The following ZIC4 variants were observed in gnomAD, a reference collection of about 807,000 sequenced individuals.
ZIC4 encodes the protein zinc finger protein ZIC 4.
In ZIC4, 15 loss-of-function variants were observed where a neutral mutation model predicts 28.8. That is an observed-to-expected ratio of 0.52 (90% CI 0.35 to 0.80). The LOEUF (loss-of-function observed/expected upper bound fraction) is 0.80, where lower values mean the gene tolerates loss of function less well. Ranked by LOEUF, ZIC4 falls within the 30% of genes least tolerant of loss-of-function variation. The pLI, the probability that ZIC4 is intolerant of heterozygous loss-of-function variation, is 0.01. For missense variants in ZIC4, 512 were observed against 467.1 expected (o/e 1.10, Z -0.89); for synonymous variants, 220 against 198.1 (o/e 1.11, Z -0.93).
In ZIC4 at chr3:147,391,193, T is replaced by C. The variant is rs2086910479; in HGVS notation, c.742A>G (p.Ser248Gly). ...FEGCERRFAN[S>G]SDRKKHSHVH... ...TGCGAATGCTTCTTACGGTCGCTGC[T>C]GTTGGCGAAGCGCCGCTCGCAGCCC... is the stretch of plus-strand genomic sequence containing the variant. Residue 248 changes from serine (S) to glycine (G), a missense_variant, in exon 4 of 5, where the codon AGC (serine) becomes GGC (glycine). Ser to Gly is a moderately conservative substitution (Grantham distance 56, BLOSUM62 0). Coordinates refer to ENST00000383075, the MANE Select transcript of ZIC4 (RefSeq NM_032153.6). 1 of 1,607,918 alleles carries C rather than the reference T, an allele frequency of 6.2e-7. No homozygotes were observed. Among genetic ancestry groups the C allele is most frequent in the Admixed American group, 1.7e-5 (1 of 59,830 alleles).
intron 3 of ZIC4, chr3:147,393,594 G>T (rs886305345): frequency 7.1e-6 from 2 of 281,626 alleles, no homozygotes; most frequent in African/African-American, 4.6e-5. Context: ...CCCTGAGCCG[G>T]GTCCGCCGAA....
chr3:147,394,589 T>G (rs763335162), intron 3 of ZIC4, among the ~76,000 whole-genome samples: 5 of 151,996 alleles, frequency 3.3e-5, no homozygotes, highest in Non-Finnish European at 7.4e-5. Flanking sequence ...GGGCCAGGAT[T>G]CCAGTGTGAC....
chr3:147,389,612 T>C (rs556447875), intron 4 of ZIC4, among the ~76,000 whole-genome samples: 78 of 152,276 alleles, frequency 5.1e-4, no homozygotes, highest in Non-Finnish European at 1.0e-3. Context: ...CTGATTTTTT[T>C]CCCTTTGGCC....
intron 4 of ZIC4, among the ~76,000 whole-genome samples, chr3:147,390,631 A>T (rs1316764053): frequency 6.6e-6 from 1 of 152,084 alleles, no homozygotes; most frequent in Non-Finnish European, 1.5e-5. Context: ...GCTGATTGTG[A>T]CTACAGAATA....
At chr3:147,393,967 G>C (rs1173487537) in intron 3 of ZIC4, 1 of 456,664 alleles carries the variant, frequency 2.2e-6, no homozygotes, top group Non-Finnish European at 4.4e-6. Context: ...CAGCTCCTGA[G>C]AAATTTGCTC....
rs2087046932 is a variant in ZIC4, at chr3:147,396,451, T to C, written c.89A>G (p.His30Arg). The C allele has an allele frequency of 4.0e-6, 6 of 1,518,852 alleles. No individual in the cohort carries two copies. Among genetic ancestry groups the C allele is most frequent in the Non-Finnish European group, 4.4e-6 (5 of 1,137,534 alleles). 94.1% of individuals were successfully genotyped at this position (1,518,852 alleles called of 1,614,324 possible). The change falls in exon 3 of 5, where the codon CAT becomes CGT. Residue 30 changes from histidine (H) to arginine (R), a missense_variant. His to Arg is a conservative substitution (Grantham distance 29, BLOSUM62 0). This residue lies in a region of ZIC4 where 310 missense variants were observed against 256.5 expected (regional missense o/e 1.21). Coordinates refer to ENST00000383075, the MANE Select transcript of ZIC4 (RefSeq NM_032153.6). The surrounding 1 kb of genome is among the most constrained non-coding windows in gnomAD (Gnocchi z 4.2). ...GGAGGCGGCGGTGAGCTGGGGGCCATGGTGTCCAGAGCTGCTACCTGTTGT... is the reference window on the plus strand; with the variant it reads ...GGAGGCGGCGGTGAGCTGGGGGCCACGGTGTCCAGAGCTGCTACCTGTTGT... The part of the protein sequence containing the change: ...LKESSSSSGH[H>R]GPQLTAASSP...
At chr3:147,401,805 G>C (rs116726134) in intron 2 of ZIC4, among the ~76,000 whole-genome samples, 378 of 152,288 alleles carry the variant, frequency 2.5e-3, no homozygotes, top group Non-Finnish European at 4.3e-3. Flanking sequence ...AAATATACTT[G>C]GATATGCTTT....
At position 147,396,557 on chromosome 3, in the gene ZIC4, C is replaced by T. The variant is rs570596562; in HGVS notation, c.71-88G>A. On this transcript the variant is annotated intron_variant, in intron 2 of 4. Coordinates refer to ENST00000383075, the MANE Select transcript of ZIC4 (RefSeq NM_032153.6). This position sits in a 1 kb window ranked among gnomAD's most constrained non-coding sequence, Gnocchi z 4.2. Reference sequence around the variant, plus strand: ...GCCCCGGGGGGCAGGCCCAGCCCTGCCGCACTACGGCCTCTGCAGTCAGCC... The same window carrying T: ...GCCCCGGGGGGCAGGCCCAGCCCTGTCGCACTACGGCCTCTGCAGTCAGCC... 1.0e-4 allele frequency: 143 copies of T among 1,435,614 alleles called. No homozygotes were observed. The African/African-American group carries it at 1.8e-3, about 18-fold the overall frequency. The allele number at this position is 1,435,614 out of a possible 1,614,324, so 88.9% of individuals were successfully genotyped here.
intron 2 of ZIC4, among the ~76,000 whole-genome samples, chr3:147,402,436 G>T (rs1328483481): frequency 6.6e-6 from 1 of 152,184 alleles, no homozygotes. Flanking sequence ...CAGAAGGTCA[G>T]GGGTGGTTGT....
intron 2 of ZIC4, among the ~76,000 whole-genome samples, chr3:147,402,239 C>T (rs989892246): frequency 9.2e-5 from 14 of 152,212 alleles, no homozygotes; most frequent in Admixed American, 6.5e-4. Context: ...GTGGGAACCT[C>T]GTCACTACCA....
At chr3:147,405,369 T>G (rs775596640) in intron 1 of ZIC4, 146 of 1,535,066 alleles carry the variant, frequency 9.5e-5, no homozygotes, top group Non-Finnish European at 1.2e-4. Flanking sequence ...GGGGAAAACA[T>G]GACCTTGGAA....
rs746102027 is a variant in ZIC4 at position 147,388,855 on chromosome 3, G to A, written c.*4C>T. ...AGATTACCTTGCGAGCAACGCGGTG[G>A]ACATCTGTAACAAGCAAATGAAAAA... On this transcript the variant is annotated 3_prime_UTR_variant, in exon 5 of 5. Coordinates refer to ENST00000383075, the MANE Select transcript of ZIC4 (RefSeq NM_032153.6). The A allele has an allele frequency of 1.3e-6, 1 of 780,256 alleles. No homozygotes were observed. Among genetic ancestry groups the A allele is most frequent in the Admixed American group, 1.7e-5 (1 of 58,784 alleles). 48.3% of individuals were successfully genotyped at this position (780,256 alleles called of 1,614,324 possible).
chr3:147,390,957 C>T lies in ZIC4; in HGVS notation c.978G>A (p.Ala326=), dbSNP rs765073929. Residue 326 remains alanine (A), a synonymous_variant, in exon 4 of 5, where the codon GCG becomes GCA. Coordinates refer to ENST00000383075, the MANE Select transcript of ZIC4 (RefSeq NM_032153.6). ...ATTCGCTCAAGTCGGCGGTACGCGC[C>T]GCCACCGCCGCCGAGGAGGCCACCT... is the stretch of plus-strand genomic sequence containing the variant. ...KSQVASSAAV[A]ARTADLSE 6.2e-7 allele frequency: 1 copy of T among 1,611,288 alleles called. No individual in the cohort carries two copies. Among genetic ancestry groups the T allele is most frequent in the Non-Finnish European group, 8.5e-7 (1 of 1,178,974 alleles).
chr3:147,402,226 A>G (rs927914948), intron 2 of ZIC4, among the ~76,000 whole-genome samples: 3 of 152,212 alleles, frequency 2.0e-5, no homozygotes, highest in African/African-American at 7.2e-5. Context: ...CAGACACCAC[A>G]TTGTGGGAAC....
Position 147,397,473 on chromosome 3 carries a change from A to C in ZIC4, c.71-1004T>G, listed in dbSNP as rs549969420. On this transcript the variant is annotated intron_variant, in intron 2 of 4. Coordinates refer to ENST00000383075, the MANE Select transcript of ZIC4 (RefSeq NM_032153.6). ...GCTCATGCGCTCTGACCCGGGCACAAATCCTTTTCTCTCCCCTTGAGCCTC... is the reference window on the plus strand; with the variant it reads ...GCTCATGCGCTCTGACCCGGGCACACATCCTTTTCTCTCCCCTTGAGCCTC... Among the ~76,000 whole-genome samples, 12 of 151,782 alleles carry C rather than the reference A, an allele frequency of 7.9e-5. No individual in the cohort carries two copies. The East Asian group carries it at 2.0e-3, about 25-fold the overall frequency.
chr3:147,402,655 C>G, intron 2 of ZIC4, 73 bp downstream of exon 2: 6 of 1,364,172 alleles, frequency 4.4e-6, no homozygotes, highest in Non-Finnish European at 6.0e-6. Flanking sequence ...AAACTTCCTA[C>G]TTAAAAAAAA....
chr3:147,395,951 C>A lies in ZIC4; in HGVS notation c.589G>T (p.Val197Leu). 3 of 1,614,218 alleles carry A rather than the reference C, an allele frequency of 1.9e-6. No individual in the cohort carries two copies. The highest frequency in any genetic ancestry group is 2.5e-6 in the Non-Finnish European group (3 of 1,180,052). Residue 197 changes from valine (V) to leucine (L), a missense_variant, in exon 3 of 5, where the codon GTG becomes TTG. Physicochemically the swap from Val to Leu is conservative, Grantham distance 32 (BLOSUM62 1). Transcript: ENST00000383075. ...AKYKLVNHIRVHTGEKPFPCP... is the reference protein window; with the variant it reads ...AKYKLVNHIRLHTGEKPFPCP... ...GGGAAGGGCTTCTCGCCCGTGTGCA[C>A]GCGGATGTGATTTACAAGTTTGTAT...
At chr3:147,400,900 C>A (rs917671654) in intron 2 of ZIC4, among the ~76,000 whole-genome samples, 2 of 152,190 alleles carry the variant, frequency 1.3e-5, no homozygotes, top group Non-Finnish European at 2.9e-5. Flanking sequence ...CTGCCCCCAA[C>A]ACCAAATGCT....
Position 147,396,123 on chromosome 3 carries a change from C to A in ZIC4, c.417G>T (p.Ala139=). ...AAGTTTTGGAGCAGAGGCTCGGGGT[C>A]GCGGTGCCGTCGGCCGCCAGCCACT... ...ICKWLAADGT[A]TPSLCSKTFS... The change falls in exon 3 of 5, where the codon GCG becomes GCT. Residue 139 remains alanine, a synonymous_variant. Coordinates refer to ENST00000383075, the MANE Select transcript of ZIC4 (RefSeq NM_032153.6). The surrounding 1 kb of genome is among the most constrained non-coding windows in gnomAD (Gnocchi z 4.2). The A allele has an allele frequency of 6.2e-7, 1 of 1,613,968 alleles. No homozygotes were observed. The highest frequency in any genetic ancestry group is 1.3e-5 in the African/African-American group (1 of 75,042).
Sources: gnomAD v4.1 joint callset for allele counts (sites outside exome capture counted in the v4.1 genomes callset) on GRCh38, gnomAD v4.1.1 for gene constraint, gnomAD v4.1.1 regional missense constraint, Gnocchi (gnomAD v3.1) non-coding constraint, MANE v1.5 for transcripts, NCBI Gene and HGNC (gene_info 2026-07-23, HGNC 2026-07-21) for gene names.